DMD: variants seen among roughly 807,000 people sequenced by gnomAD.
DMD encodes the protein dystrophin, also known as mutant dystrophin.
DMD carries 63 observed loss-of-function variants against 330.1 expected under a neutral mutation model. The observed-to-expected ratio is 0.19, with a 90% CI of 0.16 to 0.24. DMD has a LOEUF of 0.24. Among genes scored for constraint, DMD ranks in the 10% least tolerant of loss-of-function variants. DMD has a pLI of 1.00. For synonymous variants in DMD, 1,223 were observed against 959.8 expected (o/e 1.27, Z -5.07); for missense variants, 3,344 against 2,684.1 (o/e 1.25, Z -5.43).
At chrX:31,183,828 A>C (rs919886899) in intron 67 of DMD, among the ~76,000 whole-genome samples, 2 of 106,701 alleles carry the variant, frequency 1.9e-5, no homozygotes, top group African/African-American at 7.0e-5. Context: ...TTGGTGGTGC[A>C]TTTCTCAAGC....
intron 1 of DMD, 63 bp downstream of exon 1, chrX:33,211,219 G>T: frequency 8.6e-7 from 1 of 1,164,872 alleles, no homozygotes; most frequent in Non-Finnish European, 1.2e-6. Context: ...CCTAATTAGT[G>T]AGCTTGTCAC....
chrX:31,739,627 G>T (rs2087147095), intron 51 of DMD, among the ~76,000 whole-genome samples: 1 of 109,324 alleles, frequency 9.1e-6, no homozygotes, highest in African/African-American at 3.3e-5. Context: ...GGGGCAAGGG[G>T]ACAGAGAGCA....
intron 1 of DMD, among the ~76,000 whole-genome samples, chrX:33,084,183 C>A (rs1477971806): frequency 8.9e-6 from 1 of 112,102 alleles, no homozygotes; most frequent in East Asian, 2.8e-4. Context: ...AATTAGGCAG[C>A]CACTTGGGCT....
intron 44 of DMD, among the ~76,000 whole-genome samples, chrX:32,161,107 C>T (rs1307981537): frequency 1.8e-5 from 2 of 111,509 alleles, no homozygotes; most frequent in East Asian, 5.6e-4. Context: ...TGAAGGACAG[C>T]GGGCAATGAG....
At position 32,731,607 on chromosome X, in the gene DMD, G is replaced by A. The variant is rs927943299; in HGVS notation, c.650-32314C>T. On this transcript the variant is annotated intron_variant, in intron 7 of 78. Coordinates refer to ENST00000357033, the MANE Select transcript of DMD (RefSeq NM_004006.3). Reference sequence around the variant, plus strand: ...CTCCTCAAGTGGGTGCCTGACCCCTGACCCCCGAGCACCCTAACTGGGAGG... The same window carrying A: ...CTCCTCAAGTGGGTGCCTGACCCCTAACCCCCGAGCACCCTAACTGGGAGG... Among the ~76,000 whole-genome samples, 4 of 112,095 alleles carry A rather than the reference G, an allele frequency of 3.6e-5. No homozygotes were observed. The East Asian group carries it at 8.4e-4, about 24-fold the overall frequency.
chrX:32,824,797 C>T (rs1004580980), intron 4 of DMD, among the ~76,000 whole-genome samples: 3 of 111,759 alleles, frequency 2.7e-5, no homozygotes, highest in Non-Finnish European at 5.7e-5. Context: ...AATCTGAATA[C>T]TATTGGTGGT....
At chrX:32,418,007 C>A in intron 29 of DMD, among the ~76,000 whole-genome samples, 1 of 109,490 alleles carries the variant, frequency 9.1e-6, no homozygotes, top group Non-Finnish European at 1.9e-5. Flanking sequence ...AATCTAACCA[C>A]ACTTGCCTTC....
intron 44 of DMD, among the ~76,000 whole-genome samples, chrX:32,173,562 G>A (rs956512802): frequency 2.7e-5 from 3 of 109,919 alleles, no homozygotes; most frequent in Admixed American, 2.0e-4. Context: ...TAGTAGAGAC[G>A]GAGTTTCACC....
chrX:32,256,646 G>A (rs964792625), intron 43 of DMD, among the ~76,000 whole-genome samples: 2 of 111,387 alleles, frequency 1.8e-5, no homozygotes, highest in African/African-American at 6.5e-5. Context: ...CTCAGTGGCT[G>A]GTACCGGTTT....
intron 1 of DMD, among the ~76,000 whole-genome samples, chrX:33,208,537 C>T (rs1569558510): frequency 9.0e-6 from 1 of 110,963 alleles, no homozygotes; most frequent in Non-Finnish European, 1.9e-5. Context: ...AGGGAATGTA[C>T]ATTAGTCTCA....
At chrX:33,292,342 T>C (rs751819902) in intron 1 of DMD, among the ~76,000 whole-genome samples, 4 of 111,907 alleles carry the variant, frequency 3.6e-5, no homozygotes, top group Non-Finnish European at 7.5e-5. Context: ...AATAGATCTA[T>C]CATGAATATC....
chrX:33,237,550 T>C (rs1426818213), intron 1 of DMD, among the ~76,000 whole-genome samples: 1 of 111,786 alleles, frequency 8.9e-6, no homozygotes, highest in East Asian at 2.8e-4. Flanking sequence ...CCGCCAGTTA[T>C]CTTTCTTTGG....
At chrX:31,464,646 A>G (rs1338891476) in intron 59 of DMD, among the ~76,000 whole-genome samples, 1 of 112,476 alleles carries the variant, frequency 8.9e-6, no homozygotes, top group Non-Finnish European at 1.9e-5. Context: ...GTTTATGAAG[A>G]GCCAAATTAA....
At chrX:32,215,799 T>C (rs1353920321) in intron 44 of DMD, among the ~76,000 whole-genome samples, 2 of 111,801 alleles carry the variant, frequency 1.8e-5, no homozygotes, top group South Asian at 3.7e-4. Context: ...TTAAAGCAGA[T>C]TGGGAATCCA....
At chrX:32,582,313 G>C (rs1283133218) in intron 13 of DMD, among the ~76,000 whole-genome samples, 2 of 110,657 alleles carry the variant, frequency 1.8e-5, no homozygotes, top group East Asian at 5.6e-4. Context: ...ATGGTACCTG[G>C]ATACAAGACC....
chrX:31,517,066 T>C lies in DMD; in HGVS notation c.8218-9613A>G, dbSNP rs1603298911. ...GGAAGTAAGATGAGAGGTATCTTTC[T>C]CATCTACGTCTTGTTTTTCCTAGTT... On this transcript the variant is annotated intron_variant, in intron 55 of 78. Transcript: ENST00000357033. Among the ~76,000 whole-genome samples the C allele has an allele frequency of 1.8e-5, 2 of 111,816 alleles. 1 individual carries two copies.
At chrX:31,171,333 G>T (rs1000267548) in intron 73 of DMD, among the ~76,000 whole-genome samples, 1 of 111,328 alleles carries the variant, frequency 9.0e-6, no homozygotes, top group African/African-American at 3.3e-5. Context: ...TTATATATAT[G>T]CCACTTTGAT....
At position 32,807,135 on chromosome X, in the gene DMD, A is replaced by AC. The variant is rs1569525871; in HGVS notation, c.649+2357_649+2358insG. 1.1e-3 allele frequency among the ~76,000 whole-genome samples: 114 copies of AC among 104,161 alleles called. 1 individual carries two copies. In the East Asian group the frequency reaches 0.029, roughly 27 times the overall value. 90.5% of individuals were successfully genotyped at this position (104,161 alleles called of 115,157 possible). A position where few individuals can be genotyped will look rare whatever the true frequency, so the allele number is the denominator to read the frequency against. On this transcript the variant is annotated intron_variant, in intron 7 of 78. Transcript: ENST00000357033. Reference sequence around the variant, plus strand: ...GACGGAAACATTTAAAAAAAAAAAAAAAAAAAAAAAAAAACATCAACAAAT... The same window carrying AC: ...GACGGAAACATTTAAAAAAAAAAAAACAAAAAAAAAAAAAACATCAACAAAT...
At chrX:32,663,780 T>G (rs1012868778) in intron 9 of DMD, among the ~76,000 whole-genome samples, 1 of 110,985 alleles carries the variant, frequency 9.0e-6, no homozygotes, top group Non-Finnish European at 1.9e-5. Context: ...GGAAGGGGAA[T>G]TGAAAGTACT....
Sources: allele counts gnomAD v4.1 joint callset (sites outside exome capture counted in the v4.1 genomes callset), GRCh38; gene constraint gnomAD v4.1.1; transcripts MANE v1.5; gene names NCBI Gene and HGNC (gene_info 2026-07-23, HGNC 2026-07-21).